Variants in GRID1 observed in about 807,000 individuals in gnomAD.
GRID1 encodes glutamate receptor ionotropic, delta-1.
In GRID1, 28 loss-of-function variants were observed where a neutral mutation model predicts 98.0. The observed-to-expected ratio is 0.29, with a 90% confidence interval of 0.21 to 0.39. GRID1 has a LOEUF of 0.39. Among genes scored for constraint, GRID1 ranks in the 10% least tolerant of loss-of-function variants. The pLI, the probability that GRID1 is intolerant of heterozygous loss-of-function variation, is 1.00. For missense variants in GRID1, 1,111 were observed against 1,340.5 expected (o/e 0.83, Z 2.67); for synonymous variants, 553 against 538.5 (o/e 1.03, Z -0.37).
intron 8 of GRID1, among the ~76,000 whole-genome samples, chr10:85,838,280 G>A (rs934269043): frequency 1.3e-5 from 2 of 152,090 alleles, no homozygotes; most frequent in African/African-American, 4.8e-5. Context: ...TAGCTAGAGA[G>A]GTTAACATTC....
intron 5 of GRID1, among the ~76,000 whole-genome samples, chr10:85,900,427 G>A (rs568352503): frequency 6.6e-6 from 1 of 152,314 alleles, no homozygotes; most frequent in African/African-American, 2.4e-5. Context: ...ATGCGGAAAG[G>A]TAGACACCAA....
Position 85,862,265 on chromosome 10 carries a change from A to G in GRID1, c.952-6075T>C, listed in dbSNP as rs142273912. On this transcript the variant is annotated intron_variant, in intron 6 of 15. Coordinates refer to ENST00000327946, the MANE Select transcript of GRID1 (RefSeq NM_017551.3). Reference sequence around the variant, plus strand: ...TAACATAAGAAGAAATGCATAACAAATGCATAAATGGGTATTTATGCAATT... The same window carrying G: ...TAACATAAGAAGAAATGCATAACAAGTGCATAAATGGGTATTTATGCAATT... Among the ~76,000 whole-genome samples, 49 of 152,352 alleles carry G rather than the reference A, an allele frequency of 3.2e-4. No homozygotes were observed. The East Asian group carries it at 9.3e-3, about 29-fold the overall frequency.
intron 8 of GRID1, among the ~76,000 whole-genome samples, chr10:85,839,661 AAAAGGTTAG>A (rs1842944595): frequency 6.6e-6 from 1 of 152,174 alleles, no homozygotes. Context: ...TGCCCACATG[AAAAGGTTAG>A]AAAGATCTCA....
intron 2 of GRID1, among the ~76,000 whole-genome samples, chr10:86,213,124 C>G (rs1266773247): frequency 1.3e-5 from 2 of 152,186 alleles, no homozygotes; most frequent in Non-Finnish European, 2.9e-5. Context: ...TGCCTTGGAG[C>G]CTGCTTTCCT....
chr10:85,994,954 AAATGT>A (rs1842723436), intron 4 of GRID1, among the ~76,000 whole-genome samples: 1 of 152,240 alleles, frequency 6.6e-6, no homozygotes, highest in African/African-American at 2.4e-5. Flanking sequence ...AAACAACTGC[AAATGT>A]AAAATTAACC....
intron 2 of GRID1, among the ~76,000 whole-genome samples, chr10:86,209,478 C>T (rs1424603944): frequency 1.3e-5 from 2 of 152,142 alleles, no homozygotes; most frequent in African/African-American, 4.8e-5. Context: ...GGGGAAAATG[C>T]TTCTGAGAGA....
chr10:86,079,796 C>T (rs1843938787), intron 4 of GRID1, among the ~76,000 whole-genome samples: 1 of 152,206 alleles, frequency 6.6e-6, no homozygotes, highest in Non-Finnish European at 1.5e-5. Flanking sequence ...AGGGTCACTT[C>T]CCCCTTTGAC....
chr10:85,960,551 C>T (rs1466828553), intron 4 of GRID1, among the ~76,000 whole-genome samples: 1 of 152,214 alleles, frequency 6.6e-6, no homozygotes, highest in Non-Finnish European at 1.5e-5. Context: ...CATATATCCA[C>T]ACAGCACAGC....
intron 4 of GRID1, among the ~76,000 whole-genome samples, chr10:86,122,330 G>A (rs1007706199): frequency 6.6e-6 from 1 of 152,216 alleles, no homozygotes; most frequent in Non-Finnish European, 1.5e-5. Flanking sequence ...TGCTGAGCCA[G>A]GGACAAGGTC....
At position 85,602,374 on chromosome 10, in the gene GRID1, G is replaced by C. The variant is rs770555419; in HGVS notation, c.2929C>G (p.Arg977Gly). Reference sequence around the variant, plus strand: ...ATGGGGGTCTTCACCGGGCTCTGCCGGAACAGCCCCCCGTTGGGTGACCTG... The same window carrying C: ...ATGGGGGTCTTCACCGGGCTCTGCCCGAACAGCCCCCCGTTGGGTGACCTG... ...KHRSPNGGLFRQSPVKTPIPM... is the reference protein window; with the variant it reads ...KHRSPNGGLFGQSPVKTPIPM... The change falls in exon 16 of 16, where the codon CGG becomes GGG. Residue 977 changes from arginine to glycine, a missense_variant. Physicochemically the swap from Arg to Gly is moderately radical, Grantham distance 125 (BLOSUM62 -2). Around this residue, in one of 3 missense-constraint regions of GRID1, gnomAD observed 762 missense variants for 869.1 expected, o/e 0.88. Coordinates refer to ENST00000327946, the MANE Select transcript of GRID1 (RefSeq NM_017551.3). 2 of 1,605,370 alleles carry C rather than the reference G, an allele frequency of 1.2e-6. No homozygotes were observed. Among genetic ancestry groups the C allele is most frequent in the African/African-American group, 2.7e-5 (2 of 74,782 alleles).
intron 2 of GRID1, among the ~76,000 whole-genome samples, chr10:86,235,811 G>A (rs576286661): frequency 6.6e-6 from 1 of 152,276 alleles, no homozygotes; most frequent in East Asian, 1.9e-4. Flanking sequence ...CATTTGTGTT[G>A]TATCCAGTTT....
At chr10:86,297,438 A>T (rs983404101) in intron 2 of GRID1, among the ~76,000 whole-genome samples, 21 of 152,214 alleles carry the variant, frequency 1.4e-4, no homozygotes, top group Non-Finnish European at 2.5e-4. Context: ...TCAGAAACAC[A>T]CCTTTCCTCA....
chr10:86,253,208 A>T (rs554066786), intron 2 of GRID1, among the ~76,000 whole-genome samples: 127 of 152,336 alleles, frequency 8.3e-4, no homozygotes, highest in African/African-American at 3.0e-3. Flanking sequence ...CCCTAAGATC[A>T]GCTCATCTGC....
intron 4 of GRID1, among the ~76,000 whole-genome samples, chr10:86,087,510 CTG>C (rs60644459): frequency 5.7e-3 from 796 of 140,478 alleles, no homozygotes; most frequent in African/African-American, 6.4e-3. Flanking sequence ...GTGTGTGTGT[CTG>C]TGTGTGTGTG....
intron 2 of GRID1, among the ~76,000 whole-genome samples, chr10:86,224,541 G>A (rs1001205959): frequency 1.3e-5 from 2 of 152,130 alleles, no homozygotes; most frequent in African/African-American, 4.8e-5. Flanking sequence ...GGGATGTGGG[G>A]AGCACAAAAA....
intron 2 of GRID1, among the ~76,000 whole-genome samples, chr10:86,262,450 G>T (rs1490601594): frequency 6.6e-6 from 1 of 152,142 alleles, no homozygotes; most frequent in Non-Finnish European, 1.5e-5. Flanking sequence ...CATGCCACAG[G>T]GTCTAGGCCC....
At chr10:86,088,024 C>T (rs753020013) in intron 4 of GRID1, among the ~76,000 whole-genome samples, 1 of 152,236 alleles carries the variant, frequency 6.6e-6, no homozygotes, top group Non-Finnish European at 1.5e-5. Context: ...CGCCAACAAC[C>T]GCGGACTGTT....
At chr10:86,164,539 G>A (rs1408778772) in intron 3 of GRID1, among the ~76,000 whole-genome samples, 1 of 152,202 alleles carries the variant, frequency 6.6e-6, no homozygotes, top group African/African-American at 2.4e-5. Context: ...GCACAGTGGA[G>A]GAAACAGAAG....
intron 8 of GRID1, among the ~76,000 whole-genome samples, chr10:85,789,968 C>T (rs926169308): frequency 6.6e-6 from 1 of 152,220 alleles, no homozygotes; most frequent in Non-Finnish European, 1.5e-5. Flanking sequence ...TTGGCATCCA[C>T]ACCTGCTCTT....
Sources: allele counts gnomAD v4.1 joint callset (sites outside exome capture counted in the v4.1 genomes callset), GRCh38; gene constraint gnomAD v4.1.1; regional missense constraint gnomAD v4.1.1; transcripts MANE v1.5; gene names NCBI Gene and HGNC (gene_info 2026-07-23, HGNC 2026-07-21).